RBFOX1: variants seen among roughly 807,000 people sequenced by gnomAD.
RBFOX1 encodes RNA binding fox-1 homolog 1.
A neutral mutation model predicts 57.7 loss-of-function variants in RBFOX1; 8 were observed. That is an observed-to-expected ratio of 0.14 (90% CI 0.08 to 0.25). The LOEUF is 0.25. Among genes scored for constraint, RBFOX1 ranks in the 10% least tolerant of loss-of-function variants. The pLI is 1.00. For missense variants in RBFOX1, 611 were observed against 548.5 expected, an observed-to-expected ratio of 1.11 and a Z score of -1.14; for synonymous variants, 326 against 222.4, an observed-to-expected ratio of 1.47 and a Z score of -4.15.
At chr16:6,197,411 A>C (rs964163153) in intron 1 of RBFOX1, among the ~76,000 whole-genome samples, 1 of 152,030 alleles carries the variant, frequency 6.6e-6, no homozygotes, top group Non-Finnish European at 1.5e-5. Context: ...GGTGAATCAC[A>C]TGTGGTTTCA....
chr16:6,186,817 A>C (rs916736041), intron 1 of RBFOX1, among the ~76,000 whole-genome samples: 2 of 152,188 alleles, frequency 1.3e-5, no homozygotes, highest in Non-Finnish European at 2.9e-5. Context: ...TCAATCCTCC[A>C]TGTGGGCAGT....
At chr16:7,251,812 C>T (rs2094508779) in intron 4 of RBFOX1, among the ~76,000 whole-genome samples, 1 of 152,146 alleles carries the variant, frequency 6.6e-6, no homozygotes, top group African/African-American at 2.4e-5. Context: ...GCAGATATCC[C>T]TTCAAAATAC....
intron 4 of RBFOX1, among the ~76,000 whole-genome samples, chr16:7,062,618 C>G (rs1053574763): frequency 6.6e-6 from 1 of 152,104 alleles, no homozygotes; most frequent in African/African-American, 2.4e-5. Context: ...CTGTCCCTAG[C>G]CAACAGATGT....
chr16:6,562,880 C>CTTTCTTTCTTTTTTTCTTTT, intron 2 of RBFOX1, among the ~76,000 whole-genome samples: 1 of 51,778 alleles, frequency 1.9e-5, no homozygotes, highest in Admixed American at 2.4e-4. Context: ...TTCTTTCTTT[C>CTTTCTTTCTTTTTTTCTTTT]TTTTTTTTTT....
At chr16:6,180,576 T>C (rs2097055112) in intron 1 of RBFOX1, among the ~76,000 whole-genome samples, 2 of 152,010 alleles carry the variant, frequency 1.3e-5, no homozygotes. Flanking sequence ...TCTTCTTTTT[T>C]CTTTTTTGAG....
Position 6,973,980 on chromosome 16 carries a change from A to C in RBFOX1, c.-15-78077A>C, listed in dbSNP as rs374042729. ...GTGTGGTGTTCCCCTCCCTGTGTCC[A>C]TGTGTTCTCATTGTTCAGCTCTCAC... is the stretch of plus-strand genomic sequence containing the variant. On this transcript the variant is annotated intron_variant, in intron 3 of 15. Transcript: ENST00000550418. Among the ~76,000 whole-genome samples the C allele has an allele frequency of 3.0e-4, 45 of 152,186 alleles. 2 individuals carry two copies. The East Asian group carries it at 5.0e-3, about 17-fold the overall frequency.
intron 3 of RBFOX1, among the ~76,000 whole-genome samples, chr16:5,809,220 C>A (rs1334992243): frequency 6.6e-6 from 1 of 152,090 alleles, no homozygotes; most frequent in African/African-American, 2.4e-5. Context: ...CATAAAAACC[C>A]TAGAAGAAAA....
intron 4 of RBFOX1, among the ~76,000 whole-genome samples, chr16:5,976,447 G>C (rs538861383): frequency 3.3e-4 from 50 of 152,292 alleles, no homozygotes; most frequent in African/African-American, 9.1e-4. Flanking sequence ...TTGTTTTAGG[G>C]TGGCATGGTA....
intron 4 of RBFOX1, among the ~76,000 whole-genome samples, chr16:7,446,063 C>T (rs1450505715): frequency 6.6e-6 from 1 of 152,226 alleles, no homozygotes; most frequent in Non-Finnish European, 1.5e-5. Flanking sequence ...TCCCCTGCTA[C>T]TCCATCTTGT....
intron 4 of RBFOX1, among the ~76,000 whole-genome samples, chr16:5,969,325 G>GTTTTTTTTTTTTTTT (rs1392384342): frequency 4.1e-5 from 5 of 120,648 alleles, no homozygotes; most frequent in African/African-American, 6.3e-5. Flanking sequence ...TTTTTTTTTG[G>GTTTTTTTTTTTTTTT]TTTGGAAATG....
At chr16:5,295,222 G>C (rs1231078733) in intron 1 of RBFOX1, among the ~76,000 whole-genome samples, 2 of 152,040 alleles carry the variant, frequency 1.3e-5, no homozygotes, top group East Asian at 3.9e-4. Flanking sequence ...TGGCATAACT[G>C]TCTCCCAGGA....
chr16:6,878,655 G>A (rs61245782), intron 3 of RBFOX1, among the ~76,000 whole-genome samples: 1,771 of 152,206 alleles, frequency 0.012, 33 homozygotes, highest in African/African-American at 0.04. Flanking sequence ...TCGTGTTAGC[G>A]TCAGTTTAAT....
At chr16:5,273,975 T>C (rs1035682938) in intron 1 of RBFOX1, among the ~76,000 whole-genome samples, 4 of 152,148 alleles carry the variant, frequency 2.6e-5, no homozygotes, top group African/African-American at 9.7e-5. Context: ...GAAATAGGAA[T>C]GTGACATTTC....
intron 1 of RBFOX1, among the ~76,000 whole-genome samples, chr16:5,451,972 T>A (rs1485381619): frequency 6.6e-6 from 1 of 152,094 alleles, no homozygotes; most frequent in Non-Finnish European, 1.5e-5. Context: ...AAATTCACCA[T>A]CAAATTGAAG....
chr16:7,098,744 G>A (rs565559389), intron 4 of RBFOX1, among the ~76,000 whole-genome samples: 1 of 152,076 alleles, frequency 6.6e-6, no homozygotes, highest in African/African-American at 2.4e-5. Context: ...GAGCTCAGGA[G>A]TTTGAGACCA....
At chr16:6,968,067 C>T (rs1404087849) in intron 3 of RBFOX1, among the ~76,000 whole-genome samples, 4 of 152,032 alleles carry the variant, frequency 2.6e-5, no homozygotes, top group Non-Finnish European at 5.9e-5. Context: ...TGGGTCTGAC[C>T]CTCGGATGCA....
chr16:5,719,792 ATTTG>A (rs2051859574), intron 3 of RBFOX1, among the ~76,000 whole-genome samples: 1 of 151,802 alleles, frequency 6.6e-6, no homozygotes, highest in African/African-American at 2.4e-5. Flanking sequence ...ACCCCATTTT[ATTTG>A]TTTATCATTT....
At chr16:7,496,677 A>C (rs1228240807) in intron 4 of RBFOX1, among the ~76,000 whole-genome samples, 1 of 127,112 alleles carries the variant, frequency 7.9e-6, no homozygotes, top group Admixed American at 8.8e-5. Context: ...CAACAATGTA[A>C]ACCTTAACAA....
chr16:6,081,158 A>C (rs559886384), intron 1 of RBFOX1, among the ~76,000 whole-genome samples: 1 of 152,296 alleles, frequency 6.6e-6, no homozygotes, highest in African/African-American at 2.4e-5. Flanking sequence ...TTTCAGATAC[A>C]CTTTAGCAGA....
Sources: allele counts gnomAD v4.1 joint callset (sites outside exome capture counted in the v4.1 genomes callset), GRCh38; gene constraint gnomAD v4.1.1; transcripts MANE v1.5; gene names NCBI Gene and HGNC (gene_info 2026-07-23, HGNC 2026-07-21).